ATE1: variants seen among roughly 807,000 people sequenced by gnomAD.
ATE1 encodes arginyltransferase 1.
ATE1 carries 36 observed loss-of-function variants against 70.5 expected under a neutral mutation model. The observed-to-expected ratio is 0.51, with a 90% CI of 0.39 to 0.67. The LOEUF (loss-of-function observed/expected upper bound fraction) is 0.67, where lower values mean the gene tolerates loss of function less well. ATE1 is among the 30% of genes least tolerant of loss of function. The probability of loss-of-function intolerance (pLI) is 0.00; values close to 1 mark genes in which losing one functional copy is unlikely to be tolerated. For synonymous variants in ATE1, 232 were observed against 219.3 expected, an observed-to-expected ratio of 1.06 and a Z score of -0.51; for missense variants, 593 against 629.5, an observed-to-expected ratio of 0.94 and a Z score of 0.62.
chr10:121,906,391 T>C (rs1325620530), intron 5 of ATE1, among the ~76,000 whole-genome samples: 1 of 151,984 alleles, frequency 6.6e-6, no homozygotes, highest in Non-Finnish European at 1.5e-5. Context: ...TAGCCAGGTG[T>C]AGTGACGTGT....
intron 5 of ATE1, among the ~76,000 whole-genome samples, chr10:121,905,492 G>A (rs1951153481): frequency 6.6e-6 from 1 of 152,160 alleles, no homozygotes; most frequent in African/African-American, 2.4e-5. Flanking sequence ...GGCTGGGTAA[G>A]TCTTCTCATG....
chr10:121,757,224 T>A (rs1326553838), intron 11 of ATE1, among the ~76,000 whole-genome samples: 1 of 152,200 alleles, frequency 6.6e-6, no homozygotes, highest in Non-Finnish European at 1.5e-5. Context: ...CCCAACGAGT[T>A]CCTCATCTCC....
rs10603053 is a variant in ATE1, at chr10:121,851,090, CAAAAAAAAAAAA to C, written c.976-9839_976-9828del. ...TGGGCCACAAAGCGAGACTCCATCT[CAAAAAAAAAAAA>C]AAAAAAAAAAAAAAAAAAAAAGAAT... On this transcript the variant is annotated intron_variant, in intron 8 of 11. Transcript: ENST00000224652. Among the ~76,000 whole-genome samples the C allele has an allele frequency of 4.2e-4, 18 of 43,220 alleles. No homozygotes were observed. The East Asian group carries it at 4.4e-3, about 11-fold the overall frequency. 28.4% of individuals were successfully genotyped at this position (43,220 alleles called of 152,430 possible).
intron 10 of ATE1, among the ~76,000 whole-genome samples, chr10:121,800,058 T>A (rs1201647693): frequency 1.3e-5 from 2 of 152,208 alleles, no homozygotes; most frequent in African/African-American, 4.8e-5. Flanking sequence ...AACATCTTTT[T>A]AAAAATCTTT....
intron 7 of ATE1, among the ~76,000 whole-genome samples, chr10:121,877,686 T>G (rs925382333): frequency 2.6e-5 from 4 of 152,024 alleles, no homozygotes; most frequent in African/African-American, 7.2e-5. Flanking sequence ...CATCAGCAAA[T>G]AGCAAATTAA....
At chr10:121,908,348 A>G (rs1453706383) in intron 5 of ATE1, among the ~76,000 whole-genome samples, 1 of 152,160 alleles carries the variant, frequency 6.6e-6, no homozygotes, top group Non-Finnish European at 1.5e-5. Flanking sequence ...TACTAAAAAT[A>G]TAAAAAATTA....
At chr10:121,770,883 G>T (rs1016676024) in intron 11 of ATE1, among the ~76,000 whole-genome samples, 1 of 151,844 alleles carries the variant, frequency 6.6e-6, no homozygotes, top group African/African-American at 2.4e-5. Flanking sequence ...CTTAAAGCAA[G>T]AACAGCACTT....
chr10:121,859,067 C>T (rs1217813909), intron 8 of ATE1, among the ~76,000 whole-genome samples: 2 of 151,524 alleles, frequency 1.3e-5, no homozygotes, highest in Non-Finnish European at 2.9e-5. Context: ...TGCACTCCAG[C>T]CTAGGCAATA....
chr10:121,863,993 A>AT (rs1949571042), intron 8 of ATE1, among the ~76,000 whole-genome samples: 1 of 152,154 alleles, frequency 6.6e-6, no homozygotes, highest in South Asian at 2.1e-4. Flanking sequence ...ATGGATGTTG[A>AT]TTTTTTCCTT....
intron 10 of ATE1, among the ~76,000 whole-genome samples, chr10:121,790,985 TATAC>T (rs1162314472): frequency 2.6e-5 from 4 of 151,548 alleles, no homozygotes; most frequent in Admixed American, 6.6e-5. Flanking sequence ...TATATGTGTG[TATAC>T]ATACATATAT....
Position 121,743,500 on chromosome 10 carries a change from A to AAAC in ATE1, c.*179_*180insGTT. 1 of 1,223,080 alleles carries AAAC rather than the reference A, an allele frequency of 8.2e-7. No individual in the cohort carries two copies. Among genetic ancestry groups the AAAC allele is most frequent in the Non-Finnish European group, 1.0e-6 (1 of 961,168 alleles). 75.8% of individuals were successfully genotyped at this position (1,223,080 alleles called of 1,614,324 possible). A position where few individuals can be genotyped will look rare whatever the true frequency, so the allele number is the denominator to read the frequency against. On this transcript the variant is annotated 3_prime_UTR_variant, in exon 12 of 12. Transcript: ENST00000224652. ...CATAATGCAGTTTTAAAATCTTTAT[A>AAAC]TTAACTATGAGATTCTCACAGATAC...
chr10:121,854,464 T>C (rs997218633), intron 8 of ATE1, among the ~76,000 whole-genome samples: 3 of 152,224 alleles, frequency 2.0e-5, no homozygotes, highest in African/African-American at 7.2e-5. Flanking sequence ...TCAAGTAGAC[T>C]AGATGGAGCT....
At chr10:121,747,899 G>A (rs7082764) in intron 11 of ATE1, among the ~76,000 whole-genome samples, 1 of 152,130 alleles carries the variant, frequency 6.6e-6, no homozygotes. Context: ...GTCCATTTTG[G>A]ATATTTTAAT....
chr10:121,752,371 C>T (rs1449087790), intron 11 of ATE1, among the ~76,000 whole-genome samples: 1 of 151,006 alleles, frequency 6.6e-6, no homozygotes, highest in Non-Finnish European at 1.5e-5. Flanking sequence ...GCTGGGACTA[C>T]AGGCACCCGC....
Position 121,794,324 on chromosome 10 carries a change from C to G in ATE1, c.1258-4035G>C, listed in dbSNP as rs1016602504. Among the ~76,000 whole-genome samples, 8 of 152,014 alleles carry G rather than the reference C, an allele frequency of 5.3e-5. 1 individual carries two copies. Among genetic ancestry groups the G allele is most frequent in the African/African-American group, 1.9e-4 (8 of 41,386 alleles). On this transcript the variant is annotated intron_variant, in intron 10 of 11. Coordinates refer to ENST00000224652, the MANE Select transcript of ATE1 (RefSeq NM_001001976.3). ...TTCTGAATTTGGTACAAAAATATTA[C>G]CAACATGAATAAGGAAACACTAATA...
intron 7 of ATE1, among the ~76,000 whole-genome samples, chr10:121,878,312 G>GCC (rs1429950649): frequency 2.6e-5 from 4 of 152,040 alleles, no homozygotes; most frequent in African/African-American, 9.7e-5. Context: ...TAAAAATTTG[G>GCC]CCAGGCGTGT....
chr10:121,784,655 C>A (rs1946134291), intron 11 of ATE1, among the ~76,000 whole-genome samples: 1 of 152,048 alleles, frequency 6.6e-6, no homozygotes, highest in Non-Finnish European at 1.5e-5. Flanking sequence ...GTCAGGAGTT[C>A]GAGAACCAGC....
intron 1 of ATE1, 118 bp from the exon 2 acceptor site, chr10:121,924,447 TC>T: frequency 2.2e-6 from 2 of 930,146 alleles, no homozygotes; most frequent in Non-Finnish European, 3.4e-6. Flanking sequence ...ATGCCTGTAA[TC>T]CCAGCACTCT....
chr10:121,871,640 C>A (rs925293155), intron 7 of ATE1, among the ~76,000 whole-genome samples: 1 of 151,856 alleles, frequency 6.6e-6, no homozygotes, highest in African/African-American at 2.4e-5. Flanking sequence ...CTTAGAATAT[C>A]ACTAACACAT....
Sources: allele counts gnomAD v4.1 joint callset (sites outside exome capture counted in the v4.1 genomes callset), GRCh38; gene constraint gnomAD v4.1.1; transcripts MANE v1.5; gene names NCBI Gene and HGNC (gene_info 2026-07-23, HGNC 2026-07-21).